FTCDNL1: variants seen among roughly 807,000 people sequenced by gnomAD.
The protein encoded by FTCDNL1 is formiminotransferase cyclodeaminase N-terminal like, also known as formiminotransferase N-terminal subdomain-containing protein.
In FTCDNL1, 11 loss-of-function variants were observed where a neutral mutation model predicts 5.9. The observed-to-expected ratio is 1.87, with a 90% CI of 1.18 to 3.10. The LOEUF (loss-of-function observed/expected upper bound fraction) is 3.10. Among genes scored for constraint, FTCDNL1 ranks in the 30% most tolerant of loss-of-function variants. FTCDNL1 has a pLI of 0.00. For synonymous variants in FTCDNL1, 58 were observed against 24.8 expected, an observed-to-expected ratio of 2.34 and a Z score of -3.99; for missense variants, 115 against 65.5, an observed-to-expected ratio of 1.76 and a Z score of -2.61.
At chr2:199,726,440 G>A in the FTCDNL1 span, among the ~76,000 whole-genome samples, 1 of 152,118 alleles carries the variant, frequency 6.6e-6, no homozygotes, top group Non-Finnish European at 1.5e-5. Context: ...CTGGAGAGGT[G>A]TTGCAATCAT....
chr2:199,761,781 T>C (rs1255010167), intron 3 of FTCDNL1, among the ~76,000 whole-genome samples: 1 of 152,224 alleles, frequency 6.6e-6, no homozygotes, highest in Admixed American at 6.5e-5. Flanking sequence ...GTGACTTTCA[T>C]GTGGGGTGCT....
chr2:199,775,717 A>G (rs1574473195), intron 3 of FTCDNL1, among the ~76,000 whole-genome samples: 1 of 152,282 alleles, frequency 6.6e-6, no homozygotes, highest in East Asian at 1.9e-4. Flanking sequence ...AAAGAAAGGA[A>G]CTTAAGAAGG....
rs182420744 is a variant in FTCDNL1 at position 199,830,661 on chromosome 2, C to A, written c.212-10904G>T. Among the ~76,000 whole-genome samples, 12 of 151,642 alleles carry A rather than the reference C, an allele frequency of 7.9e-5. No homozygotes were observed. In the East Asian group the frequency reaches 2.4e-3, roughly 30 times the overall value. Reference sequence around the variant, plus strand: ...ACGCCCAGTGCTGAGAGTTAAAGCGCGGGGCCCTAACCGCTCCAACACAAA... The same window carrying A: ...ACGCCCAGTGCTGAGAGTTAAAGCGAGGGGCCCTAACCGCTCCAACACAAA... On this transcript the variant is annotated intron_variant, in intron 3 of 4. Transcript: ENST00000420128.
chr2:199,706,540 A>C, the FTCDNL1 span, among the ~76,000 whole-genome samples: 1 of 152,176 alleles, frequency 6.6e-6, no homozygotes, highest in Admixed American at 6.5e-5. Context: ...TGTATAATAC[A>C]AAAACCTTCA....
chr2:199,750,898 CATATT>C, the FTCDNL1 span, among the ~76,000 whole-genome samples: 2 of 152,188 alleles, frequency 1.3e-5, no homozygotes, highest in African/African-American at 2.4e-5. Context: ...AATTCTGTGT[CATATT>C]ATAATTGCTA....
downstream of FTCDNL1, among the ~76,000 whole-genome samples, chr2:199,755,935 T>A (rs895743563): frequency 2.6e-5 from 4 of 152,190 alleles, no homozygotes; most frequent in Admixed American, 6.5e-5. Context: ...ATAAGAGGGC[T>A]CTCTGGGAAG....
At chr2:199,753,096 C>A in the FTCDNL1 span, among the ~76,000 whole-genome samples, 1 of 152,082 alleles carries the variant, frequency 6.6e-6, no homozygotes, top group Non-Finnish European at 1.5e-5. Context: ...TTGAAGCTTA[C>A]GCTCTAGTGA....
chr2:199,695,489 A>G, the FTCDNL1 span, among the ~76,000 whole-genome samples: 1 of 152,188 alleles, frequency 6.6e-6, no homozygotes, highest in Non-Finnish European at 1.5e-5. Flanking sequence ...TCTCTTAATA[A>G]TAAAAATAGG....
the FTCDNL1 span, among the ~76,000 whole-genome samples, chr2:199,725,857 T>C: frequency 1.3e-5 from 2 of 152,184 alleles, no homozygotes; most frequent in Non-Finnish European, 2.9e-5. Flanking sequence ...CTGATGATTA[T>C]GTGTCTTTGG....
chr2:199,708,184 T>A, the FTCDNL1 span, among the ~76,000 whole-genome samples: 5 of 152,138 alleles, frequency 3.3e-5, no homozygotes, highest in Non-Finnish European at 7.4e-5. Context: ...ACCACTTTTT[T>A]ATTCTACATT....
chr2:199,696,099 GC>G, the FTCDNL1 span, among the ~76,000 whole-genome samples: 4 of 152,058 alleles, frequency 2.6e-5, no homozygotes. Flanking sequence ...CCACAGATAG[GC>G]CCCCCTCAGT....
At chr2:199,730,759 C>T in the FTCDNL1 span, among the ~76,000 whole-genome samples, 12,820 of 152,176 alleles carry the variant, frequency 0.084, 1,104 homozygotes, top group African/African-American at 0.19. Flanking sequence ...TGTAAATTAG[C>T]TCAACCATTG....
intron 4 of FTCDNL1, chr2:199,818,409 A>G (rs1477759044): frequency 6.6e-6 from 1 of 152,186 alleles, no homozygotes; most frequent in Non-Finnish European, 1.5e-5. Flanking sequence ...TAGGGAAGAA[A>G]AAAATAGCCC....
chr2:199,691,251 C>T, the FTCDNL1 span, among the ~76,000 whole-genome samples: 1 of 152,234 alleles, frequency 6.6e-6, no homozygotes, highest in Non-Finnish European at 1.5e-5. Context: ...TGGCTCACTG[C>T]AACCTCCGCC....
the FTCDNL1 span, among the ~76,000 whole-genome samples, chr2:199,703,848 G>A: frequency 7.1e-4 from 108 of 152,114 alleles, no homozygotes; most frequent in African/African-American, 2.4e-3. Context: ...TTTTTCTATA[G>A]AATAAACCTT....
At chr2:199,826,396 G>A (rs1702033384) in intron 3 of FTCDNL1, among the ~76,000 whole-genome samples, 1 of 146,900 alleles carries the variant, frequency 6.8e-6, no homozygotes, top group Admixed American at 7.0e-5. Context: ...TTACATTTCT[G>A]AGTCTTAACC....
chr2:199,817,705 T>C (rs1479708211), intron 4 of FTCDNL1, among the ~76,000 whole-genome samples: 1 of 149,296 alleles, frequency 6.7e-6, no homozygotes, highest in Non-Finnish European at 1.5e-5. Context: ...ATCGCACCAC[T>C]GTACTCCAGC....
the FTCDNL1 span, among the ~76,000 whole-genome samples, chr2:199,715,174 A>T: frequency 6.6e-6 from 1 of 151,718 alleles, no homozygotes; most frequent in South Asian, 2.1e-4. Context: ...TTGTAATTCA[A>T]GCAAGAAATA....
intron 2 of FTCDNL1, among the ~76,000 whole-genome samples, chr2:199,848,394 G>A (rs1003132129): frequency 1.4e-4 from 21 of 152,224 alleles, no homozygotes; most frequent in Non-Finnish European, 1.2e-4. Context: ...CATGGGCTTT[G>A]CTGGCAGGAG....
Sources: gnomAD v4.1 joint callset for allele counts (sites outside exome capture counted in the v4.1 genomes callset) on GRCh38, gnomAD v4.1.1 for gene constraint, MANE v1.5 for transcripts, NCBI Gene and HGNC (gene_info 2026-07-23, HGNC 2026-07-21) for gene names.